Variants in SPOCK3 observed in about 807,000 individuals in gnomAD.
SPOCK3 encodes SPARC (osteonectin), cwcv and kazal like domains proteoglycan 3, also known as testican-3.
SPOCK3 carries 30 observed loss-of-function variants against 56.6 expected under a neutral mutation model. The observed-to-expected ratio is 0.53, with a 90% CI of 0.40 to 0.72. The LOEUF (loss-of-function observed/expected upper bound fraction) is 0.72. Among genes scored for constraint, SPOCK3 ranks in the 30% least tolerant of loss-of-function variants. The pLI is 0.00. For synonymous variants in SPOCK3, 196 were observed against 183.3 expected (o/e 1.07, Z -0.56); for missense variants, 527 against 530.0 (o/e 0.99, Z 0.06).
At chr4:167,062,632 G>T in intron 2 of SPOCK3, 95 bp from the exon 3 acceptor site, 1 of 914,196 alleles carries the variant, frequency 1.1e-6, no homozygotes, top group Non-Finnish European at 1.7e-6. Context: ...CACAGAAGCT[G>T]TATACAAACC....
chr4:166,913,986 T>A (rs930485451), intron 4 of SPOCK3, among the ~76,000 whole-genome samples: 1 of 151,710 alleles, frequency 6.6e-6, no homozygotes, highest in Admixed American at 6.6e-5. Context: ...TAGTGAGAGA[T>A]AAAACAATGA....
intron 6 of SPOCK3, among the ~76,000 whole-genome samples, chr4:166,858,389 C>A (rs1051939960): frequency 2.0e-5 from 3 of 152,158 alleles, no homozygotes; most frequent in Non-Finnish European, 4.4e-5. Context: ...TTCTATTAAG[C>A]CCATTCTGAT....
chr4:166,800,439 G>T (rs929818654), intron 6 of SPOCK3, among the ~76,000 whole-genome samples: 1 of 152,012 alleles, frequency 6.6e-6, no homozygotes, highest in Non-Finnish European at 1.5e-5. Flanking sequence ...CATTGTTATC[G>T]TAGGAGAAGA....
At chr4:167,109,479 A>C (rs1760690649) in intron 2 of SPOCK3, among the ~76,000 whole-genome samples, 1 of 104,536 alleles carries the variant, frequency 9.6e-6, no homozygotes, top group Admixed American at 1.4e-4. Flanking sequence ...TAATATATTT[A>C]TATAAAATAT....
intron 2 of SPOCK3, among the ~76,000 whole-genome samples, chr4:167,115,389 T>C (rs1761249408): frequency 6.6e-6 from 1 of 151,502 alleles, no homozygotes; most frequent in African/African-American, 2.4e-5. Context: ...AGGACAAAAT[T>C]TCCAGAATGA....
chr4:166,944,824 T>C (rs1228789149), intron 4 of SPOCK3, among the ~76,000 whole-genome samples: 1 of 152,240 alleles, frequency 6.6e-6, no homozygotes, highest in Non-Finnish European at 1.5e-5. Context: ...TTCATTTCCC[T>C]CTGTGGTTCA....
At chr4:166,917,782 A>G (rs1484083446) in intron 4 of SPOCK3, among the ~76,000 whole-genome samples, 2 of 152,056 alleles carry the variant, frequency 1.3e-5, no homozygotes, top group Non-Finnish European at 2.9e-5. Context: ...CTCCCTAGCC[A>G]TGTGAAACTG....
At chr4:166,831,519 C>T (rs1240322829) in intron 6 of SPOCK3, among the ~76,000 whole-genome samples, 1 of 151,896 alleles carries the variant, frequency 6.6e-6, no homozygotes, top group Non-Finnish European at 1.5e-5. Context: ...CTTGAGTAAG[C>T]ATTAGTTATC....
intron 2 of SPOCK3, among the ~76,000 whole-genome samples, chr4:167,112,290 G>A (rs1760969669): frequency 6.6e-6 from 1 of 152,062 alleles, no homozygotes; most frequent in Non-Finnish European, 1.5e-5. Context: ...AGAGCAAAGT[G>A]TTCTAAAAAT....
intron 2 of SPOCK3, among the ~76,000 whole-genome samples, chr4:167,113,709 GA>G (rs1221090905): frequency 1.3e-5 from 2 of 152,062 alleles, no homozygotes; most frequent in Non-Finnish European, 2.9e-5. Context: ...TACGGTACAA[GA>G]AAGAAGCAGG....
At chr4:166,892,627 A>T (rs79477526) in intron 5 of SPOCK3, among the ~76,000 whole-genome samples, 1 of 152,110 alleles carries the variant, frequency 6.6e-6, no homozygotes, top group Admixed American at 6.6e-5. Context: ...TATGTGAACT[A>T]AAATATCACA....
At chr4:167,003,939 A>T (rs1411077248) in intron 3 of SPOCK3, among the ~76,000 whole-genome samples, 1 of 152,122 alleles carries the variant, frequency 6.6e-6, no homozygotes, top group Non-Finnish European at 1.5e-5. Flanking sequence ...AATTTTTCCC[A>T]GTTACTTCCA....
chr4:166,958,262 G>A (rs537489871), intron 4 of SPOCK3, among the ~76,000 whole-genome samples: 10 of 152,262 alleles, frequency 6.6e-5, no homozygotes, highest in African/African-American at 2.2e-4. Context: ...TCCGTGTGAT[G>A]AGCCTGCTCC....
chr4:167,137,710 A>C (rs17053003), intron 2 of SPOCK3, among the ~76,000 whole-genome samples: 2,279 of 152,046 alleles, frequency 0.015, 65 homozygotes, highest in African/African-American at 0.051. Flanking sequence ...CAAAATACAG[A>C]AAAAGGACAG....
At chr4:167,063,148 A>C (rs1050899534) in intron 2 of SPOCK3, among the ~76,000 whole-genome samples, 3 of 151,872 alleles carry the variant, frequency 2.0e-5, no homozygotes, top group Non-Finnish European at 2.9e-5. Context: ...TCCTGCCTAA[A>C]GTTTAATTCT....
intron 2 of SPOCK3, among the ~76,000 whole-genome samples, chr4:167,164,465 G>A (rs1765586428): frequency 6.6e-6 from 1 of 152,018 alleles, no homozygotes; most frequent in Non-Finnish European, 1.5e-5. Context: ...GGATACATGT[G>A]CAGAATGTGC....
At chr4:166,938,125 C>T (rs551815176) in intron 4 of SPOCK3, among the ~76,000 whole-genome samples, 29 of 151,916 alleles carry the variant, frequency 1.9e-4, no homozygotes, top group African/African-American at 5.5e-4. Flanking sequence ...ACTTTTTTAA[C>T]AGATGACTAG....
At chr4:167,217,271 G>A (rs563765490) in intron 2 of SPOCK3, among the ~76,000 whole-genome samples, 5 of 151,968 alleles carry the variant, frequency 3.3e-5, no homozygotes, top group African/African-American at 7.2e-5. Context: ...TGAATTTCAC[G>A]TCCATGCATT....
At chr4:167,040,784 AT>A (rs1753172659) in intron 3 of SPOCK3, among the ~76,000 whole-genome samples, 1 of 152,318 alleles carries the variant, frequency 6.6e-6, no homozygotes, top group Non-Finnish European at 1.5e-5. Flanking sequence ...CATTCAATGA[AT>A]TTGTAGAAGA....
Sources: allele counts gnomAD v4.1 joint callset (sites outside exome capture counted in the v4.1 genomes callset), GRCh38; gene constraint gnomAD v4.1.1; transcripts MANE v1.5; gene names NCBI Gene and HGNC (gene_info 2026-07-23, HGNC 2026-07-21).